GRHL1: variants seen among roughly 807,000 people sequenced by gnomAD.
GRHL1 encodes grainyhead like transcription factor 1.
GRHL1 carries 38 observed loss-of-function variants against 75.7 expected under a neutral mutation model. The ratio of observed to expected loss-of-function variants is 0.50; its 90% CI spans 0.39 to 0.66. The LOEUF (loss-of-function observed/expected upper bound fraction) is 0.66. Among genes scored for constraint, GRHL1 ranks in the 30% least tolerant of loss-of-function variants. GRHL1 has a pLI of 0.00. For synonymous variants in GRHL1, 266 were observed against 279.4 expected (o/e 0.95, Z 0.48); for missense variants, 589 against 767.5 (o/e 0.77, Z 2.75).
chr2:9,981,258 C>A (rs1447078735), intron 8 of GRHL1, among the ~76,000 whole-genome samples: 1 of 152,242 alleles, frequency 6.6e-6, no homozygotes, highest in Non-Finnish European at 1.5e-5. Flanking sequence ...TGGTCCCCTC[C>A]ATGAGTGTGG....
At chr2:9,958,737 G>T in intron 2 of GRHL1, 49 bp from the exon 3 acceptor site, 1 of 1,373,996 alleles carries the variant, frequency 7.3e-7, no homozygotes, top group Non-Finnish European at 1.0e-6. Flanking sequence ...TGGGTAAACT[G>T]CACTTCACTG....
In GRHL1 at chr2:9,951,988, A is replaced by T. The variant is rs555058278; in HGVS notation, c.20+135A>T. On this transcript the variant is annotated intron_variant, in intron 1 of 15. Transcript: ENST00000324907. The surrounding 1 kb of genome is among the most constrained non-coding windows in gnomAD (Gnocchi z 4.2). The stretch of plus-strand genomic sequence containing the variant: ...GGGCGCGAGCCGGGGGCCGCTGTCC[A>T]CTCCACGCCGCCACGGCCTTTGCCC... 273 of 303,800 alleles carry T rather than the reference A, an allele frequency of 9.0e-4. 1 individual carries two copies. Among genetic ancestry groups the T allele is most frequent in the African/African-American group, 6.0e-3 (265 of 44,214 alleles). The allele number at this position is 303,800 out of a possible 1,614,324, so 18.8% of individuals were successfully genotyped here. A position where few individuals can be genotyped will look rare whatever the true frequency, so the allele number is the denominator to read the frequency against.
intron 8 of GRHL1, among the ~76,000 whole-genome samples, chr2:9,982,743 C>G (rs1047306319): frequency 2.6e-5 from 4 of 152,170 alleles, no homozygotes; most frequent in Non-Finnish European, 5.9e-5. Flanking sequence ...TTAAGTTTTA[C>G]ATAAGTAGTT....
chr2:9,967,242 G>C (rs979200873), intron 8 of GRHL1, among the ~76,000 whole-genome samples: 1 of 152,236 alleles, frequency 6.6e-6, no homozygotes, highest in African/African-American at 2.4e-5. Flanking sequence ...CCCCAGGAGA[G>C]TCACGAGGTT....
intron 8 of GRHL1, among the ~76,000 whole-genome samples, chr2:9,980,425 A>G (rs1333186784): frequency 1.3e-5 from 2 of 152,118 alleles, no homozygotes; most frequent in African/African-American, 4.8e-5. Context: ...AAACCAAAAA[A>G]AAAAAAAGAA....
chr2:9,966,128 T>C (rs1275487552), intron 8 of GRHL1: 2 of 152,250 alleles, frequency 1.3e-5, no homozygotes, highest in Admixed American at 1.3e-4. Flanking sequence ...CCAGAAGTGG[T>C]GGCTCACACT....
At position 9,996,266 on chromosome 2, in the gene GRHL1, C is replaced by A. The variant is rs780416762; in HGVS notation, c.1592-50C>A. On this transcript the variant is annotated intron_variant, in intron 13 of 15. Transcript: ENST00000324907. ...CTCTTTTGCTCATGTGAACTGTATC[C>A]TTTTTTTCCTCTCTTTTCCCTTCCT... The A allele has an allele frequency of 9.0e-6, 12 of 1,334,906 alleles. No homozygotes were observed. In the South Asian group the frequency reaches 1.4e-4, roughly 16 times the overall value. The allele number at this position is 1,334,906 out of a possible 1,614,324, so 82.7% of individuals were successfully genotyped here.
At chr2:9,957,911 T>G (rs1667104553) in intron 2 of GRHL1, among the ~76,000 whole-genome samples, 1 of 152,356 alleles carries the variant, frequency 6.6e-6, no homozygotes, top group African/African-American at 2.4e-5. Context: ...AATAGAACAC[T>G]GAGTTAGACT....
intron 8 of GRHL1, among the ~76,000 whole-genome samples, chr2:9,969,496 C>T (rs931789754): frequency 6.6e-6 from 1 of 152,188 alleles, no homozygotes; most frequent in Non-Finnish European, 1.5e-5. Flanking sequence ...AATAGAGCAA[C>T]ATTATGGACT....
chr2:9,961,376 T>G lies in GRHL1; in HGVS notation c.609T>G (p.Asn203Lys). The change falls in exon 4 of 16, where the codon AAT becomes AAG. Residue 203 changes from asparagine (N) to lysine (K), a missense_variant. Around this residue, in one of 5 missense-constraint regions of GRHL1, gnomAD observed 362 missense variants for 461.8 expected, o/e 0.78. Transcript: ENST00000324907. ...DQFSSGAQAP[N>K]AQRRTPDSTF... ...TCAGCTCTGGTGCTCAAGCCCCAAA[T>G]GCTCAAAGGCGAACTCCAGACTCGA... The G allele has an allele frequency of 4.3e-6, 7 of 1,614,148 alleles. No individual in the cohort carries two copies. Among genetic ancestry groups the G allele is most frequent in the Non-Finnish European group, 5.9e-6 (7 of 1,179,998 alleles).
chr2:9,972,638 C>T (rs1667775796), intron 8 of GRHL1, among the ~76,000 whole-genome samples: 1 of 152,058 alleles, frequency 6.6e-6, no homozygotes, highest in East Asian at 1.9e-4. Context: ...CCAGATCTTC[C>T]TTTCTGGCCC....
At chr2:9,952,888 G>T in intron 1 of GRHL1, 1 of 385,764 alleles carries the variant, frequency 2.6e-6, no homozygotes, top group Non-Finnish European at 5.2e-6. Flanking sequence ...ATCTTAAATG[G>T]ATTACTCTTA....
Position 9,999,074 on chromosome 2 carries a change from C to CCCCCGCAGTGCTAGTGTGACGCA in GRHL1, c.1742+50_1742+72dup, listed in dbSNP as rs1322587991. 5.9e-6 allele frequency: 6 copies of CCCCCGCAGTGCTAGTGTGACGCA among 1,013,116 alleles called. No individual in the cohort carries two copies. In the African/African-American group the frequency reaches 1.0e-4, roughly 17 times the overall value. The allele number at this position is 1,013,116 out of a possible 1,614,324, so 62.8% of individuals were successfully genotyped here. On this transcript the variant is annotated intron_variant, in intron 15 of 15. Transcript: ENST00000324907. ...TGTGTACCTCGGAAAGTGCTGATGC[C>CCCCCGCAGTGCTAGTGTGACGCA]CCCCGCAGTGCTAGTGTGACGCACC...
intron 4 of GRHL1, 134 bp downstream of exon 4, chr2:9,961,570 G>A (rs1667275712): frequency 1.3e-5 from 10 of 752,254 alleles, no homozygotes. Context: ...TTTTTTTTAA[G>A]AGAAAAGGCC....
Position 9,987,813 on chromosome 2 carries a change from A to G in GRHL1, c.1269+1531A>G, listed in dbSNP as rs1668488274. Among the ~76,000 whole-genome samples, 2 of 152,196 alleles carry G rather than the reference A, an allele frequency of 1.3e-5. No homozygotes were observed. The highest frequency in any genetic ancestry group is 4.1e-4 in the South Asian group (2 of 4,836). On this transcript the variant is annotated intron_variant, in intron 9 of 15. Transcript: ENST00000324907. The surrounding 1 kb of genome is among the most constrained non-coding windows in gnomAD (Gnocchi z 4.2). Reference sequence around the variant, plus strand: ...GGGGAGCAACCGTGGATGAGTGGACATTCCATTGAACTAAGACAGCAAGAT... The same window carrying G: ...GGGGAGCAACCGTGGATGAGTGGACGTTCCATTGAACTAAGACAGCAAGAT...
rs544360950 is a variant in GRHL1, at chr2:9,961,359, G to C, written c.592G>C (p.Gly198Arg). ...RNLNTDQFSS[G>R]AQAPNAQRRT... ...TCTCAATACTGACCAGTTCAGCTCT[G>C]GTGCTCAAGCCCCAAATGCTCAAAG... is the stretch of plus-strand genomic sequence containing the variant. The change falls in exon 4 of 16, where the codon GGT (glycine) becomes CGT (arginine). Residue 198 changes from glycine to arginine, a missense_variant. Gly to Arg is a moderately radical substitution (Grantham distance 125). This residue lies in a region of GRHL1 where 362 missense variants were observed against 461.8 expected (regional missense o/e 0.78). Transcript: ENST00000324907. 4 of 1,614,106 alleles carry C rather than the reference G, an allele frequency of 2.5e-6. No individual in the cohort carries two copies. The highest frequency in any genetic ancestry group is 4.5e-5 in the East Asian group (2 of 44,882).
intron 9 of GRHL1, among the ~76,000 whole-genome samples, 167 bp downstream of exon 9, chr2:9,986,449 CCTCT>C (rs1260062179): frequency 2.6e-5 from 4 of 151,630 alleles, no homozygotes; most frequent in Non-Finnish European, 5.9e-5. Context: ...ACAGAGTCTC[CCTCT>C]GTCTCCCAGG....
Position 9,964,371 on chromosome 2 carries a change from T to C in GRHL1, c.1015+25T>C, listed in dbSNP as rs752665856. 1.5e-5 allele frequency: 18 copies of C among 1,240,588 alleles called. No homozygotes were observed. The East Asian group carries it at 2.5e-4, about 18-fold the overall frequency. 76.8% of individuals were successfully genotyped at this position (1,240,588 alleles called of 1,614,324 possible). ...GGTAAGCAGCTCAAGAGCCCGCTTT[T>C]ATTCCCAGAGGTGCAGCCATCCAGT... is the stretch of plus-strand genomic sequence containing the variant. On this transcript the variant is annotated intron_variant, in intron 7 of 15. Transcript: ENST00000324907.
chr2:9,998,771 C>CATATATATAT (rs201546419), intron 14 of GRHL1, among the ~76,000 whole-genome samples, 194 bp from the exon 15 acceptor site: 7 of 32,776 alleles, frequency 2.1e-4, no homozygotes, highest in African/African-American at 9.6e-4. Flanking sequence ...TATATGTACA[C>CATATATATAT]ACATATATAC....
Sources: gnomAD v4.1 joint callset for allele counts (sites outside exome capture counted in the v4.1 genomes callset) on GRCh38, gnomAD v4.1.1 for gene constraint, gnomAD v4.1.1 regional missense constraint, Gnocchi (gnomAD v3.1) non-coding constraint, MANE v1.5 for transcripts, NCBI Gene and HGNC (gene_info 2026-07-23, HGNC 2026-07-21) for gene names.